The following HS3ST1 variants were observed in gnomAD, a reference collection of about 807,000 sequenced individuals.
HS3ST1 encodes the protein heparan sulfate glucosamine 3-O-sulfotransferase 1.
In HS3ST1, 8 loss-of-function variants were observed where a neutral mutation model predicts 20.7. That is an observed-to-expected ratio of 0.39 (90% CI 0.23 to 0.70). The LOEUF (loss-of-function observed/expected upper bound fraction) is 0.70. Among genes scored for constraint, HS3ST1 ranks in the 30% least tolerant of loss-of-function variants. The probability of loss-of-function intolerance (pLI) is 0.46; values close to 1 mark genes in which losing one functional copy is unlikely to be tolerated. For synonymous variants in HS3ST1, 205 were observed against 190.4 expected (o/e 1.08, Z -0.63); for missense variants, 436 against 423.4 (o/e 1.03, Z -0.26).
intron 1 of HS3ST1, chr4:11,413,983 T>C (rs538478037): frequency 5.9e-5 from 9 of 152,240 alleles, no homozygotes; most frequent in Admixed American, 3.3e-4. Context: ...AACAAAGATA[T>C]TGGCAGGAGA....
chr4:11,412,908 A>C (rs904939808), intron 1 of HS3ST1, among the ~76,000 whole-genome samples: 1 of 152,196 alleles, frequency 6.6e-6, no homozygotes, highest in African/African-American at 2.4e-5. Flanking sequence ...CCTAGGAGGC[A>C]AGTAGGTCAT....
chr4:11,404,683 G>A (rs941283868), intron 1 of HS3ST1, among the ~76,000 whole-genome samples: 1 of 152,186 alleles, frequency 6.6e-6, no homozygotes, highest in African/African-American at 2.4e-5. Context: ...AAACAAACCA[G>A]GTAAAAGTAA....
At chr4:11,417,298 C>T (rs80284931) in intron 1 of HS3ST1, among the ~76,000 whole-genome samples, 1,958 of 152,220 alleles carry the variant, frequency 0.013, 41 homozygotes, top group African/African-American at 0.043. Context: ...GCGTTATGTT[C>T]CATGGTTTTT....
Position 11,393,368 on chromosome 4 carries a change from T to C in HS3ST1, c.*5714A>G, listed in dbSNP as rs1718054380. The C allele has an allele frequency of 6.6e-6, 1 of 152,384 alleles. No homozygotes were observed. The highest frequency in any genetic ancestry group is 2.1e-4 in the South Asian group (1 of 4,828). The allele number at this position is 152,384 out of a possible 1,614,324, so 9.4% of individuals were successfully genotyped here. On this transcript the variant is annotated 3_prime_UTR_variant, in exon 2 of 2. Coordinates refer to ENST00000002596, the MANE Select transcript of HS3ST1 (RefSeq NM_005114.4). ...GCCATTATTGAATTTAACACTTTGC[T>C]ATTTGCTAGCCAATAAAATAGACTC...
intron 1 of HS3ST1, among the ~76,000 whole-genome samples, chr4:11,402,284 C>T (rs556530933): frequency 1.3e-5 from 2 of 152,230 alleles, no homozygotes; most frequent in South Asian, 4.2e-4. Flanking sequence ...GAGAAGGGAC[C>T]TGAGAGATCA....
intron 1 of HS3ST1, among the ~76,000 whole-genome samples, chr4:11,419,851 C>G (rs1308403429): frequency 6.6e-6 from 1 of 152,092 alleles, no homozygotes; most frequent in Non-Finnish European, 1.5e-5. Context: ...AAATTCTGAC[C>G]GTGAACCAGA....
chr4:11,404,527 A>T (rs926585850), intron 1 of HS3ST1, among the ~76,000 whole-genome samples: 7 of 152,156 alleles, frequency 4.6e-5, no homozygotes, highest in Admixed American at 1.3e-4. Flanking sequence ...TTAATCTGAG[A>T]GGTCTTTAAG....
intron 1 of HS3ST1, among the ~76,000 whole-genome samples, chr4:11,421,211 AAACCGTC>A (rs1718924987): frequency 6.6e-6 from 1 of 152,200 alleles, no homozygotes; most frequent in Non-Finnish European, 1.5e-5. Flanking sequence ...AGGCCCAGAA[AAACCGTC>A]TATTACTCAG....
At chr4:11,432,889 C>T (rs1273204838), upstream of HS3ST1, among the ~76,000 whole-genome samples, 1 of 152,172 alleles carries the variant, frequency 6.6e-6, no homozygotes, top group African/African-American at 2.4e-5. Context: ...CGTCCCAACG[C>T]CCAATTTTGT....
intron 1 of HS3ST1, 64 bp from the exon 2 acceptor site, chr4:11,400,177 C>T (rs1718285172): frequency 9.0e-6 from 12 of 1,340,524 alleles, no homozygotes; most frequent in African/African-American, 1.5e-5. Context: ...ACTAACAACT[C>T]TGTAGCCACT....
chr4:11,401,384 G>C (rs1028026475), intron 1 of HS3ST1, among the ~76,000 whole-genome samples: 2 of 141,606 alleles, frequency 1.4e-5, no homozygotes, highest in African/African-American at 2.7e-5. Context: ...TGCTCTTGTT[G>C]CTCAGGCTGG....
At position 11,400,202 on chromosome 4, in the gene HS3ST1, A is replaced by G. The variant is rs995722295; in HGVS notation, c.-108-89T>C. ...CTGTAGCCACTCTGTAGTGAGGCCT[A>G]TATTCACCTCCCCAGGACTCTCAGT... On this transcript the variant is annotated intron_variant, in intron 1 of 1. Coordinates refer to ENST00000002596, the MANE Select transcript of HS3ST1 (RefSeq NM_005114.4). 3.6e-6 allele frequency: 4 copies of G among 1,104,864 alleles called. No individual in the cohort carries two copies. In the South Asian group the frequency reaches 6.1e-5, roughly 17 times the overall value. The allele number at this position is 1,104,864 out of a possible 1,614,324, so 68.4% of individuals were successfully genotyped here.
chr4:11,399,241 G>A lies in HS3ST1; in HGVS notation c.765C>T (p.Tyr255=), dbSNP rs1718237183. 6.2e-7 allele frequency: 1 copy of A among 1,614,214 alleles called. No individual in the cohort carries two copies. The highest frequency in any genetic ancestry group is 2.2e-5 in the East Asian group (1 of 44,880). ...GGTCCCGGCCGCTGTCCCGCAGGCA[G>A]TAAAAGCCCTTGGTTTTGTTAAAGT... ...NFYFNKTKGF[Y]CLRDSGRDRC... is the part of the protein sequence containing the mutation. Residue 255 remains tyrosine (Y), a synonymous_variant, in exon 2 of 2, where the codon TAC becomes TAT. Coordinates refer to ENST00000002596, the MANE Select transcript of HS3ST1 (RefSeq NM_005114.4). This position sits in a 1 kb window ranked among gnomAD's most constrained non-coding sequence, Gnocchi z 5.1.
Position 11,398,275 on chromosome 4 carries a change from T to C in HS3ST1, c.*807A>G, listed in dbSNP as rs2108878447. 6.6e-6 allele frequency: 1 copy of C among 152,326 alleles called. No individual in the cohort carries two copies. 9.4% of individuals were successfully genotyped at this position (152,326 alleles called of 1,614,324 possible). ...AGAACCGACAGGATGAAGACACGCA[T>C]AGATTTCGCAGTTTCTCTTTTCTAT... is the stretch of plus-strand genomic sequence containing the variant. On this transcript the variant is annotated 3_prime_UTR_variant, in exon 2 of 2. Transcript: ENST00000002596.
intron 1 of HS3ST1, among the ~76,000 whole-genome samples, chr4:11,406,704 A>T (rs573806209): frequency 6.6e-6 from 1 of 152,134 alleles, no homozygotes; most frequent in Non-Finnish European, 1.5e-5. Flanking sequence ...GGCAAGGGAG[A>T]GCTTACTTAA....
Position 11,399,928 on chromosome 4 carries a change from G to A in HS3ST1, c.78C>T (p.Gly26=). 1 of 1,591,580 alleles carries A rather than the reference G, an allele frequency of 6.3e-7. No individual in the cohort carries two copies. Among genetic ancestry groups the A allele is most frequent in the Non-Finnish European group, 8.5e-7 (1 of 1,171,928 alleles). Residue 26 remains glycine, a synonymous_variant, in exon 2 of 2, where the codon GGC becomes GGT. Transcript: ENST00000002596. The surrounding 1 kb of genome is among the most constrained non-coding windows in gnomAD (Gnocchi z 5.1). ...CCGCTTTCCGCAGAAGCTCCTGCTGGCCTAGCTCGGCGGGGCGGGAAGGCA... is the reference window on the plus strand; with the variant it reads ...CCGCTTTCCGCAGAAGCTCCTGCTGACCTAGCTCGGCGGGGCGGGAAGGCA... The part of the protein sequence containing the change: ...QLVPSRPAEL[G]QQELLRKAGT...
chr4:11,412,679 A>C (rs1718668770), intron 1 of HS3ST1, among the ~76,000 whole-genome samples: 2 of 152,160 alleles, frequency 1.3e-5, no homozygotes, highest in Non-Finnish European at 2.9e-5. Flanking sequence ...CTCAGATCAT[A>C]CTTAGCACTC....
At chr4:11,431,908 G>T (rs1269731294), upstream of HS3ST1, among the ~76,000 whole-genome samples, 1 of 152,122 alleles carries the variant, frequency 6.6e-6, no homozygotes, top group African/African-American at 2.4e-5. Flanking sequence ...AAGTGGTAGG[G>T]CTGATATTCA....
At chr4:11,414,933 C>T (rs367546703) in intron 1 of HS3ST1, among the ~76,000 whole-genome samples, 1 of 152,102 alleles carries the variant, frequency 6.6e-6, no homozygotes, top group Non-Finnish European at 1.5e-5. Context: ...CACAGGTAAC[C>T]AAGCCCAGAA....
Sources: gnomAD v4.1 joint callset for allele counts (sites outside exome capture counted in the v4.1 genomes callset) on GRCh38, gnomAD v4.1.1 for gene constraint, Gnocchi (gnomAD v3.1) non-coding constraint, MANE v1.5 for transcripts, NCBI Gene and HGNC (gene_info 2026-07-23, HGNC 2026-07-21) for gene names.